SUGCT: variants seen among roughly 807,000 people sequenced by gnomAD.
SUGCT encodes succinyl-CoA:glutarate CoA-transferase.
Under a neutral mutation model 55.0 loss-of-function variants are expected in SUGCT, and 41 were observed. That is an observed-to-expected ratio of 0.74 (90% CI 0.58 to 0.97). The LOEUF (loss-of-function observed/expected upper bound fraction) is 0.97, where lower values mean the gene tolerates loss of function less well. SUGCT is among the 50% of genes least tolerant of loss of function. The pLI, the probability that SUGCT is intolerant of heterozygous loss-of-function variation, is 0.00. For missense variants in SUGCT, 568 were observed against 547.8 expected, an observed-to-expected ratio of 1.04 and a Z score of -0.37; for synonymous variants, 187 against 200.4, an observed-to-expected ratio of 0.93 and a Z score of 0.56.
the SUGCT span, among the ~76,000 whole-genome samples, chr7:40,995,497 C>T: frequency 0.021 from 3,200 of 151,776 alleles, 109 homozygotes; most frequent in African/African-American, 0.073. Flanking sequence ...TAGCATGGCC[C>T]GAAAATGATA....
intron 12 of SUGCT, among the ~76,000 whole-genome samples, chr7:40,744,861 A>G (rs973927476): frequency 1.3e-5 from 2 of 152,182 alleles, no homozygotes; most frequent in African/African-American, 4.8e-5. Flanking sequence ...CCTAAGTCAT[A>G]TTATCTTAAT....
intron 12 of SUGCT, among the ~76,000 whole-genome samples, chr7:40,731,085 GTGAA>G (rs775558935): frequency 2.6e-5 from 4 of 152,190 alleles, no homozygotes; most frequent in Non-Finnish European, 5.9e-5. Flanking sequence ...GGGAGACTGA[GTGAA>G]TGGGAGTGCT....
chr7:40,719,882 A>G (rs1237027421), intron 12 of SUGCT, among the ~76,000 whole-genome samples: 3 of 151,990 alleles, frequency 2.0e-5, no homozygotes, highest in Non-Finnish European at 4.4e-5. Context: ...TGCAACCTCC[A>G]CTTCCTGGGT....
intron 9 of SUGCT, among the ~76,000 whole-genome samples, chr7:40,399,858 T>C (rs1785963984): frequency 6.6e-6 from 1 of 152,054 alleles, no homozygotes; most frequent in South Asian, 2.1e-4. Context: ...ATTATAATGG[T>C]AGTTGTAGGG....
chr7:40,258,765 G>T (rs560864584), intron 7 of SUGCT, among the ~76,000 whole-genome samples: 1 of 152,162 alleles, frequency 6.6e-6, no homozygotes, highest in Non-Finnish European at 1.5e-5. Flanking sequence ...ATTATGGAAA[G>T]CAGTATGGAG....
chr7:40,888,018 G>A, the SUGCT span, among the ~76,000 whole-genome samples: 1 of 152,106 alleles, frequency 6.6e-6, no homozygotes, highest in African/African-American at 2.4e-5. Flanking sequence ...TCTCTGAAGT[G>A]GCAGAGCTGG....
chr7:40,163,319 G>A (rs1317674638), intron 1 of SUGCT, among the ~76,000 whole-genome samples: 1 of 151,978 alleles, frequency 6.6e-6, no homozygotes, highest in Non-Finnish European at 1.5e-5. Flanking sequence ...TAAAAAAGTA[G>A]TGTTGGCTGG....
intron 13 of SUGCT, among the ~76,000 whole-genome samples, chr7:40,841,706 A>C (rs1793290185): frequency 6.6e-6 from 1 of 152,156 alleles, no homozygotes; most frequent in Non-Finnish European, 1.5e-5. Flanking sequence ...ATTCAGGCAA[A>C]ATTAATGAAG....
intron 12 of SUGCT, among the ~76,000 whole-genome samples, chr7:40,735,860 T>C (rs1156695616): frequency 6.6e-6 from 1 of 152,102 alleles, no homozygotes; most frequent in East Asian, 1.9e-4. Context: ...TACTGTCCTA[T>C]ATATAGGACA....
chr7:40,369,893 G>A (rs1325627936), intron 9 of SUGCT, among the ~76,000 whole-genome samples: 1 of 152,152 alleles, frequency 6.6e-6, no homozygotes, highest in African/African-American at 2.4e-5. Flanking sequence ...AGCATTTCAG[G>A]GCTCTGGCAA....
intron 7 of SUGCT, among the ~76,000 whole-genome samples, chr7:40,258,296 A>T (rs1487610117): frequency 6.6e-6 from 1 of 152,176 alleles, no homozygotes; most frequent in Non-Finnish European, 1.5e-5. Flanking sequence ...CTGGGTTTGA[A>T]TTTTCGTTCT....
chr7:40,439,072 A>ATGTGTGTG (rs367604896), intron 9 of SUGCT, among the ~76,000 whole-genome samples: 2,012 of 51,336 alleles, frequency 0.039, 243 homozygotes, highest in Middle Eastern at 0.068. Context: ...GTGTATATAT[A>ATGTGTGTG]TATATATATA....
At chr7:40,681,191 G>A (rs1033710228) in intron 12 of SUGCT, among the ~76,000 whole-genome samples, 2 of 152,068 alleles carry the variant, frequency 1.3e-5, no homozygotes, top group Non-Finnish European at 2.9e-5. Flanking sequence ...GTAGTGATTG[G>A]CAGCCCCTAT....
At chr7:40,698,486 A>G (rs1200513946) in intron 12 of SUGCT, among the ~76,000 whole-genome samples, 3 of 152,196 alleles carry the variant, frequency 2.0e-5, no homozygotes, top group African/African-American at 4.8e-5. Flanking sequence ...TTAGGGTTAG[A>G]CATCCTCTTG....
At chr7:40,798,857 A>G (rs1437742521) in intron 13 of SUGCT, among the ~76,000 whole-genome samples, 1 of 152,160 alleles carries the variant, frequency 6.6e-6, no homozygotes, top group Non-Finnish European at 1.5e-5. Flanking sequence ...TTTCTTTTTT[A>G]TATTTTTAAA....
chr7:41,005,811 T>A, the SUGCT span, among the ~76,000 whole-genome samples: 1 of 152,154 alleles, frequency 6.6e-6, no homozygotes, highest in African/African-American at 2.4e-5. Context: ...TCACCCCCAA[T>A]ACTGACTTCT....
intron 12 of SUGCT, among the ~76,000 whole-genome samples, chr7:40,723,415 G>A (rs554003879): frequency 2.0e-5 from 3 of 152,218 alleles, no homozygotes; most frequent in South Asian, 4.2e-4. Context: ...CCTTTCCAGC[G>A]GGTGTAGGGG....
chr7:40,744,117 G>A (rs1284124404), intron 12 of SUGCT, among the ~76,000 whole-genome samples: 4 of 150,830 alleles, frequency 2.7e-5, no homozygotes, highest in African/African-American at 4.9e-5. Context: ...TAGTAGACGC[G>A]GGGTTTCGCC....
At chr7:40,811,306 G>T (rs1244294218) in intron 13 of SUGCT, among the ~76,000 whole-genome samples, 1 of 152,080 alleles carries the variant, frequency 6.6e-6, no homozygotes, top group Non-Finnish European at 1.5e-5. Flanking sequence ...TGTGAAAAAT[G>T]ATGTTGATAG....
Sources: allele counts gnomAD v4.1 joint callset (sites outside exome capture counted in the v4.1 genomes callset), GRCh38; gene constraint gnomAD v4.1.1; transcripts MANE v1.5; gene names NCBI Gene and HGNC (gene_info 2026-07-23, HGNC 2026-07-21).